Variants in SRSF3 observed in about 807,000 individuals in gnomAD.
The protein encoded by SRSF3 is serine and arginine rich splicing factor 3.
For missense variants in SRSF3, 58 were observed against 217.1 expected (o/e 0.27, Z 4.61); for synonymous variants, 87 against 73.6 (o/e 1.18, Z -0.93).
intron 2 of SRSF3, among the ~76,000 whole-genome samples, chr6:36,597,910 G>T (rs1475731818): frequency 6.6e-6 from 1 of 151,590 alleles, no homozygotes; most frequent in Non-Finnish European, 1.5e-5. Flanking sequence ...GCCCAGGCTG[G>T]CCTCAAGCTC....
chr6:36,597,101 T>A, intron 2 of SRSF3, 133 bp downstream of exon 2: 8 of 451,384 alleles, frequency 1.8e-5, no homozygotes, highest in Non-Finnish European at 2.5e-5. Context: ...TGGGATCTTT[T>A]TTTTTTTTTT....
rs1675963098 is a variant in SRSF3, at chr6:36,603,613, G to A, written c.*1624G>A. On this transcript the variant is annotated 3_prime_UTR_variant, in exon 6 of 6. Coordinates refer to ENST00000373715, the MANE Select transcript of SRSF3 (RefSeq NM_003017.5). ...TTACACAAATCTTGGGAGAATTGGTGTCAGGAAGGTTCAGCCTTAAAGTTA... is the reference window on the plus strand; with the variant it reads ...TTACACAAATCTTGGGAGAATTGGTATCAGGAAGGTTCAGCCTTAAAGTTA... The A allele has an allele frequency of 4.4e-6, 1 of 229,192 alleles. No homozygotes were observed. Among genetic ancestry groups the A allele is most frequent in the Non-Finnish European group, 8.7e-6 (1 of 115,590 alleles). The allele number at this position is 229,192 out of a possible 1,614,324, so 14.2% of individuals were successfully genotyped here. A position where few individuals can be genotyped will look rare whatever the true frequency, so the allele number is the denominator to read the frequency against.
At chr6:36,595,908 C>CATTT (rs989701736) in intron 1 of SRSF3, among the ~76,000 whole-genome samples, 12 of 151,408 alleles carry the variant, frequency 7.9e-5, no homozygotes, top group Non-Finnish European at 1.3e-4. Flanking sequence ...CCAAAATAGG[C>CATTT]ATTTATTTAT....
At position 36,597,090 on chromosome 6, in the gene SRSF3, T is replaced by C; in HGVS notation, c.206+122T>C. The C allele has an allele frequency of 5.8e-6, 4 of 686,732 alleles. No individual in the cohort carries two copies. In the South Asian group the frequency reaches 7.8e-5, roughly 13 times the overall value. The allele number at this position is 686,732 out of a possible 1,614,324, so 42.5% of individuals were successfully genotyped here. A position where few individuals can be genotyped will look rare whatever the true frequency, so the allele number is the denominator to read the frequency against. On this transcript the variant is annotated intron_variant, in intron 2 of 5. Coordinates refer to ENST00000373715, the MANE Select transcript of SRSF3 (RefSeq NM_003017.5). ...TGGCCAATTGTATCTTTAGATACAATTGGGATCTTTTTTTTTTTTTTTTTT... is the reference window on the plus strand; with the variant it reads ...TGGCCAATTGTATCTTTAGATACAACTGGGATCTTTTTTTTTTTTTTTTTT...
In SRSF3 at chr6:36,595,681, TACTC is replaced by T. The variant is rs1190677525; in HGVS notation, c.-2-1078_-2-1075del. Among the ~76,000 whole-genome samples the T allele has an allele frequency of 2.0e-5, 3 of 152,252 alleles. No homozygotes were observed. The South Asian group carries it at 6.2e-4, about 31-fold the overall frequency. On this transcript the variant is annotated intron_variant, in intron 1 of 5. Coordinates refer to ENST00000373715, the MANE Select transcript of SRSF3 (RefSeq NM_003017.5). The stretch of plus-strand genomic sequence containing the variant: ...TTTGTCAGTACATCATTCTGAATAA[TACTC>T]ATTTTATGTCTATACCACATTTTGC...
rs1295707545 is a variant in SRSF3, at chr6:36,604,715, T to G, written c.*2726T>G. 1 of 154,032 alleles carries G rather than the reference T, an allele frequency of 6.5e-6. No individual in the cohort carries two copies. The highest frequency in any genetic ancestry group is 1.4e-5 in the Non-Finnish European group (1 of 69,142). 9.5% of individuals were successfully genotyped at this position (154,032 alleles called of 1,614,324 possible). ...TATTACTACATTCATTTTAGTACAGTGCTGCCTAATTAGAAATTTTGTTGA... is the reference window on the plus strand; with the variant it reads ...TATTACTACATTCATTTTAGTACAGGGCTGCCTAATTAGAAATTTTGTTGA... On this transcript the variant is annotated 3_prime_UTR_variant, in exon 6 of 6. Transcript: ENST00000373715.
At chr6:36,597,089 A>T in intron 2 of SRSF3, 121 bp downstream of exon 2, 3 of 657,450 alleles carry the variant, frequency 4.6e-6, no homozygotes, top group Non-Finnish European at 7.6e-6. Context: ...TTTAGATACA[A>T]TTGGGATCTT....
At chr6:36,596,584 G>GA (rs1354558064) in intron 1 of SRSF3, among the ~76,000 whole-genome samples, 177 bp from the exon 2 acceptor site, 1 of 132,260 alleles carries the variant, frequency 7.6e-6, no homozygotes. Context: ...CGGGGGGGGG[G>GA]AAATGGGTGC....
Position 36,602,886 on chromosome 6 carries a change from G to A in SRSF3, c.*897G>A, listed in dbSNP as rs1193008210. 5.7e-5 allele frequency: 12 copies of A among 209,200 alleles called. No homozygotes were observed. The highest frequency in any genetic ancestry group is 1.9e-5 in the Non-Finnish European group (2 of 102,712). The allele number at this position is 209,200 out of a possible 1,614,324, so 13.0% of individuals were successfully genotyped here. A position where few individuals can be genotyped will look rare whatever the true frequency, so the allele number is the denominator to read the frequency against. Reference sequence around the variant, plus strand: ...AGCCATACTTATATTTTCTTGTAAAGTGCTTTTGAATTAATAAAATATTAG... The same window carrying A: ...AGCCATACTTATATTTTCTTGTAAAATGCTTTTGAATTAATAAAATATTAG... On this transcript the variant is annotated 3_prime_UTR_variant, in exon 6 of 6. Coordinates refer to ENST00000373715, the MANE Select transcript of SRSF3 (RefSeq NM_003017.5).
At chr6:36,597,097 CTTTTT>C (rs35760494) in intron 2 of SRSF3, 129 bp downstream of exon 2, 9,913 of 357,772 alleles carry the variant, frequency 0.028, 25 homozygotes, top group Non-Finnish European at 0.035. Context: ...CAATTGGGAT[CTTTTT>C]TTTTTTTTTT....
In SRSF3 at chr6:36,597,599, A is replaced by G. The variant is rs543830498; in HGVS notation, c.206+631A>G. 3.2e-3 allele frequency among the ~76,000 whole-genome samples: 482 copies of G among 152,120 alleles called. 1 individual carries two copies. The highest frequency in any genetic ancestry group is 0.01 in the Middle Eastern group (3 of 294). On this transcript the variant is annotated intron_variant, in intron 2 of 5. Transcript: ENST00000373715. Reference sequence around the variant, plus strand: ...GAGTAAGGCCTGAGTATTGACCTCCATGCCCCCACCCCCCTTTCCTCATAT... The same window carrying G: ...GAGTAAGGCCTGAGTATTGACCTCCGTGCCCCCACCCCCCTTTCCTCATAT...
At chr6:36,596,500 C>G (rs987315465) in intron 1 of SRSF3, among the ~76,000 whole-genome samples, 1 of 143,790 alleles carries the variant, frequency 7.0e-6, no homozygotes, top group Non-Finnish European at 1.5e-5. Flanking sequence ...CTCAACGTTC[C>G]AAGGAAGCTG....
At chr6:36,599,354 A>G (rs181010055) in intron 3 of SRSF3, 18 of 205,250 alleles carry the variant, frequency 8.8e-5, no homozygotes, top group Non-Finnish European at 8.1e-5. Context: ...CTATTAGCAC[A>G]ATTGTAATAT....
At position 36,597,144 on chromosome 6, in the gene SRSF3, C is replaced by G. The variant is rs960762366; in HGVS notation, c.206+176C>G. On this transcript the variant is annotated intron_variant, in intron 2 of 5. Coordinates refer to ENST00000373715, the MANE Select transcript of SRSF3 (RefSeq NM_003017.5). ...GGTGGGGAGACGAGTCTTGCACTGT[C>G]ACTGGGCTGGAGTGCAGTGGTACAG... 1.7e-5 allele frequency: 10 copies of G among 602,984 alleles called. No homozygotes were observed. In the African/African-American group the frequency reaches 2.0e-4, roughly 12 times the overall value. The allele number at this position is 602,984 out of a possible 1,614,324, so 37.4% of individuals were successfully genotyped here. A position where few individuals can be genotyped will look rare whatever the true frequency, so the allele number is the denominator to read the frequency against.
chr6:36,602,294 G>A lies in SRSF3; in HGVS notation c.*305G>A. 2.8e-6 allele frequency: 1 copy of A among 359,350 alleles called. No homozygotes were observed. The allele number at this position is 359,350 out of a possible 1,614,324, so 22.3% of individuals were successfully genotyped here. A position where few individuals can be genotyped will look rare whatever the true frequency, so the allele number is the denominator to read the frequency against. On this transcript the variant is annotated 3_prime_UTR_variant, in exon 6 of 6. Coordinates refer to ENST00000373715, the MANE Select transcript of SRSF3 (RefSeq NM_003017.5). ...GATAATAAACCTCTAAACCTGCCCA[G>A]CGGAAGTGTGTTTTTTTTTAAATTT... is the stretch of plus-strand genomic sequence containing the variant.
At chr6:36,596,151 T>G (rs1778623764) in intron 1 of SRSF3, among the ~76,000 whole-genome samples, 1 of 152,164 alleles carries the variant, frequency 6.6e-6, no homozygotes, top group South Asian at 2.1e-4. Flanking sequence ...GTCGAACTCC[T>G]GACCTCGTGA....
intron 1 of SRSF3, 65 bp from the exon 2 acceptor site, chr6:36,596,696 A>G (rs1219774532): frequency 4.3e-5 from 62 of 1,442,914 alleles, no homozygotes; most frequent in Non-Finnish European, 5.8e-5. Flanking sequence ...AGTTCTTTCT[A>G]AGGATCTGTG....
intron 5 of SRSF3, 61 bp downstream of exon 5, chr6:36,601,855 T>G: frequency 6.3e-7 from 1 of 1,598,284 alleles, no homozygotes; most frequent in Non-Finnish European, 8.5e-7. Flanking sequence ...AGGCCTGTCT[T>G]CTAAGCCATA....
rs1280540202 is a variant in SRSF3, at chr6:36,603,693, G to A, written c.*1704G>A. 1 of 230,630 alleles carries A rather than the reference G, an allele frequency of 4.3e-6. No individual in the cohort carries two copies. The highest frequency in any genetic ancestry group is 6.2e-5 in the East Asian group (1 of 16,168). The allele number at this position is 230,630 out of a possible 1,614,324, so 14.3% of individuals were successfully genotyped here. A position where few individuals can be genotyped will look rare whatever the true frequency, so the allele number is the denominator to read the frequency against. On this transcript the variant is annotated 3_prime_UTR_variant, in exon 6 of 6. Coordinates refer to ENST00000373715, the MANE Select transcript of SRSF3 (RefSeq NM_003017.5). ...AGCCTGTTTATTTACTGAGAGCTCT[G>A]GCATTGGGCATTTTGTCTTTAGTAT...
Sources: allele counts gnomAD v4.1 joint callset (sites outside exome capture counted in the v4.1 genomes callset), GRCh38; gene constraint gnomAD v4.1.1; transcripts MANE v1.5; gene names NCBI Gene and HGNC (gene_info 2026-07-23, HGNC 2026-07-21).